NRXN3: variants seen among roughly 807,000 people sequenced by gnomAD.
NRXN3 encodes neurexin 3, also known as neurexin III.
A neutral mutation model predicts 137.6 loss-of-function variants in NRXN3; 32 were observed. The observed-to-expected ratio is 0.23, with a 90% CI of 0.18 to 0.31. The LOEUF (loss-of-function observed/expected upper bound fraction) is 0.31. Among genes scored for constraint, NRXN3 ranks in the 10% least tolerant of loss-of-function variants. The probability of loss-of-function intolerance (pLI) is 1.00; values close to 1 mark genes in which losing one functional copy is unlikely to be tolerated. For synonymous variants in NRXN3, 798 were observed against 784.5 expected, an observed-to-expected ratio of 1.02 and a Z score of -0.29; for missense variants, 1,574 against 2,062.5, an observed-to-expected ratio of 0.76 and a Z score of 4.59.
intron 4 of NRXN3, among the ~76,000 whole-genome samples, chr14:78,422,505 A>C (rs1398273622): frequency 6.6e-6 from 1 of 152,192 alleles, no homozygotes; most frequent in Non-Finnish European, 1.5e-5. Context: ...GGTTGGAGGG[A>C]TCATGGTGTT....
chr14:79,415,409 A>G lies in NRXN3; in HGVS notation c.3263-51812A>G, dbSNP rs532531408. On this transcript the variant is annotated intron_variant, in intron 15 of 20. Coordinates refer to ENST00000335750, the MANE Select transcript of NRXN3 (RefSeq NM_001330195.2). Reference sequence around the variant, plus strand: ...ACTATTTACTTAGCATTTACATTGTATTAGGAACTTAAGTATCTTAAAGAT... The same window carrying G: ...ACTATTTACTTAGCATTTACATTGTGTTAGGAACTTAAGTATCTTAAAGAT... Among the ~76,000 whole-genome samples, 123 of 151,064 alleles carry G rather than the reference A, an allele frequency of 8.1e-4. 1 individual carries two copies. The highest frequency in any genetic ancestry group is 2.6e-3 in the African/African-American group (106 of 40,580).
At chr14:78,549,060 C>T (rs1566717039) in intron 4 of NRXN3, among the ~76,000 whole-genome samples, 2 of 152,190 alleles carry the variant, frequency 1.3e-5, no homozygotes, top group South Asian at 2.1e-4. Flanking sequence ...CCCTTTCTGA[C>T]ATGGAAATAG....
intron 4 of NRXN3, among the ~76,000 whole-genome samples, chr14:78,386,571 T>C (rs991422940): frequency 6.6e-6 from 1 of 152,188 alleles, no homozygotes; most frequent in Non-Finnish European, 1.5e-5. Flanking sequence ...TTACATTTGT[T>C]TAAGAAAACA....
chr14:78,854,266 G>A (rs1341461958), intron 10 of NRXN3, among the ~76,000 whole-genome samples: 1 of 152,178 alleles, frequency 6.6e-6, no homozygotes, highest in Non-Finnish European at 1.5e-5. Context: ...TGCCAAACAT[G>A]ATTTGCTTTA....
intron 15 of NRXN3, among the ~76,000 whole-genome samples, chr14:79,126,466 T>C (rs977202591): frequency 2.0e-5 from 3 of 152,034 alleles, no homozygotes; most frequent in African/African-American, 7.2e-5. Flanking sequence ...AGAATGATGA[T>C]TTCCAATTTC....
chr14:79,470,888 AAG>A (rs199926307), intron 16 of NRXN3, among the ~76,000 whole-genome samples: 5,706 of 114,204 alleles, frequency 0.05, 425 homozygotes, highest in African/African-American at 0.18. Flanking sequence ...GAGAGAGAGA[AAG>A]AGAGAGAGAG....
At chr14:78,209,926 G>A (rs2223017) in intron 1 of NRXN3, among the ~76,000 whole-genome samples, 45,468 of 152,004 alleles carry the variant, frequency 0.3, 7,075 homozygotes, top group African/African-American at 0.36. Flanking sequence ...ATATTTATGT[G>A]TTTGTTTATT....
At chr14:79,007,735 G>T (rs2099556216) in intron 15 of NRXN3, among the ~76,000 whole-genome samples, 1 of 148,684 alleles carries the variant, frequency 6.7e-6, no homozygotes, top group Admixed American at 6.7e-5. Flanking sequence ...GAACCCGGGA[G>T]GCAGAGCTTG....
chr14:78,518,342 T>C (rs914157358), intron 4 of NRXN3, among the ~76,000 whole-genome samples: 1 of 151,382 alleles, frequency 6.6e-6, no homozygotes, highest in Admixed American at 6.6e-5. Context: ...GATTGCAGTC[T>C]TTATGTTTAG....
At chr14:78,676,551 C>T (rs1322957101) in intron 6 of NRXN3, among the ~76,000 whole-genome samples, 1 of 152,074 alleles carries the variant, frequency 6.6e-6, no homozygotes, top group African/African-American at 2.4e-5. Context: ...TTCAAAAAAG[C>T]CATCTCCATA....
intron 4 of NRXN3, among the ~76,000 whole-genome samples, chr14:78,609,409 G>T (rs902699562): frequency 6.6e-6 from 1 of 152,148 alleles, no homozygotes; most frequent in African/African-American, 2.4e-5. Context: ...GAGAAACCCA[G>T]GTCCTGGCAA....
At chr14:78,309,396 A>C (rs954175364) in intron 4 of NRXN3, among the ~76,000 whole-genome samples, 4 of 151,752 alleles carry the variant, frequency 2.6e-5, no homozygotes, top group Admixed American at 2.6e-4. Context: ...TTTGTCACCC[A>C]GGTAATAAGC....
At chr14:78,637,845 A>T (rs2097580320) in intron 4 of NRXN3, among the ~76,000 whole-genome samples, 1 of 152,226 alleles carries the variant, frequency 6.6e-6, no homozygotes, top group Non-Finnish European at 1.5e-5. Flanking sequence ...ATTTATACTT[A>T]CAAGGTTGCC....
chr14:79,730,147 T>C (rs2098916604), intron 19 of NRXN3, among the ~76,000 whole-genome samples: 1 of 152,110 alleles, frequency 6.6e-6, no homozygotes, highest in South Asian at 2.1e-4. Context: ...GGGAAGGGCT[T>C]CTCTTCTTTT....
At chr14:79,257,457 G>A (rs1161656451) in intron 15 of NRXN3, among the ~76,000 whole-genome samples, 4 of 45,844 alleles carry the variant, frequency 8.7e-5, no homozygotes, top group Admixed American at 2.1e-4. Context: ...GATGGTGGTG[G>A]TGGTGGTGGT....
At chr14:79,215,003 C>T (rs1170081406) in intron 15 of NRXN3, among the ~76,000 whole-genome samples, 3 of 152,090 alleles carry the variant, frequency 2.0e-5, no homozygotes, top group African/African-American at 7.2e-5. Flanking sequence ...AGCTCAAGGT[C>T]CAGAAAGGTT....
intron 2 of NRXN3, among the ~76,000 whole-genome samples, chr14:78,246,691 A>G (rs1197847850): frequency 6.6e-6 from 1 of 152,240 alleles, no homozygotes; most frequent in Non-Finnish European, 1.5e-5. Context: ...CTCCACACAT[A>G]GTTAATTTTT....
At chr14:79,719,251 ATGTGTGTGTGTGTG>A (rs4016617) in intron 19 of NRXN3, among the ~76,000 whole-genome samples, 3 of 149,044 alleles carry the variant, frequency 2.0e-5, no homozygotes, top group African/African-American at 7.5e-5. Context: ...ATAGACATAT[ATGTGTGTGTGTGTG>A]TGTGTGTGTG....
intron 20 of NRXN3, among the ~76,000 whole-genome samples, chr14:79,810,926 A>G (rs2099230141): frequency 6.6e-6 from 1 of 152,182 alleles, no homozygotes. Context: ...CTTAAATATG[A>G]TGTTTGAAAT....
Sources: gnomAD v4.1 joint callset for allele counts (sites outside exome capture counted in the v4.1 genomes callset) on GRCh38, gnomAD v4.1.1 for gene constraint, MANE v1.5 for transcripts, NCBI Gene and HGNC (gene_info 2026-07-23, HGNC 2026-07-21) for gene names.